CPPED1: variants seen among roughly 807,000 people sequenced by gnomAD.
The protein encoded by CPPED1 is serine/threonine-protein phosphatase CPPED1.
A neutral mutation model predicts 28.0 loss-of-function variants in CPPED1; 28 were observed. The ratio of observed to expected loss-of-function variants is 1.00; its 90% CI spans 0.74 to 1.37. The LOEUF is 1.37. Among genes scored for constraint, CPPED1 ranks in the 40% most tolerant of loss-of-function variants. The pLI is 0.00. For missense variants in CPPED1, 504 were observed against 416.5 expected, an observed-to-expected ratio of 1.21 and a Z score of -1.83; for synonymous variants, 198 against 180.2, an observed-to-expected ratio of 1.10 and a Z score of -0.79.
At chr16:12,678,564 T>C (rs962025166) in intron 3 of CPPED1, among the ~76,000 whole-genome samples, 3 of 152,236 alleles carry the variant, frequency 2.0e-5, no homozygotes, top group East Asian at 3.8e-4. Context: ...TCAGGTCTTT[T>C]AAAATTACTT....
chr16:12,727,484 C>T (rs2080176245), intron 2 of CPPED1, among the ~76,000 whole-genome samples: 1 of 152,102 alleles, frequency 6.6e-6, no homozygotes, highest in African/African-American at 2.4e-5. Flanking sequence ...TCTCGAGTAG[C>T]TGAGACCACA....
intron 3 of CPPED1, among the ~76,000 whole-genome samples, chr16:12,698,163 G>A (rs189295972): frequency 7.2e-4 from 110 of 152,230 alleles, no homozygotes; most frequent in Admixed American, 1.6e-3. Flanking sequence ...AAGTGATACG[G>A]ATATTACCTG....
chr16:12,770,627 A>G lies in CPPED1; in HGVS notation c.289+10558T>C, dbSNP rs139749438. Among the ~76,000 whole-genome samples, 999 of 152,242 alleles carry G rather than the reference A, an allele frequency of 6.6e-3. 9 individuals are homozygous for G. Among genetic ancestry groups the G allele is most frequent in the African/African-American group, 0.022 (923 of 41,550 alleles). On this transcript the variant is annotated intron_variant, in intron 2 of 3. Coordinates refer to ENST00000381774, the MANE Select transcript of CPPED1 (RefSeq NM_018340.3). ...CACCTGAGGTCAGGAGTTTGAGACC[A>G]GCCTGGCCAACATAACAAAACTCTC...
At chr16:12,761,276 C>CAAAAAAAAAAAA (rs55848318) in intron 2 of CPPED1, 2 of 69,284 alleles carry the variant, frequency 2.9e-5, no homozygotes, top group African/African-American at 5.0e-5. Flanking sequence ...GACTCTGTCT[C>CAAAAAAAAAAAA]AAAAAAAAAA....
At chr16:12,676,478 A>T (rs1596441751) in intron 3 of CPPED1, among the ~76,000 whole-genome samples, 1 of 152,324 alleles carries the variant, frequency 6.6e-6, no homozygotes, top group East Asian at 1.9e-4. Context: ...GACCAGGAAG[A>T]TATCATCCCC....
At chr16:12,786,792 G>A (rs1432558051) in intron 1 of CPPED1, among the ~76,000 whole-genome samples, 4 of 152,134 alleles carry the variant, frequency 2.6e-5, no homozygotes, top group East Asian at 1.9e-4. Context: ...GGTGGCATGC[G>A]CCTGTAGTCC....
chr16:12,661,026 G>C lies in CPPED1; in HGVS notation c.*3860C>G, dbSNP rs886920025. 2.0e-5 allele frequency: 3 copies of C among 152,202 alleles called. No homozygotes were observed. Among genetic ancestry groups the C allele is most frequent in the African/African-American group, 7.2e-5 (3 of 41,442 alleles). 9.4% of individuals were successfully genotyped at this position (152,202 alleles called of 1,614,324 possible). On this transcript the variant is annotated 3_prime_UTR_variant, in exon 4 of 4. Coordinates refer to ENST00000381774, the MANE Select transcript of CPPED1 (RefSeq NM_018340.3). Reference sequence around the variant, plus strand: ...CTAATTTGGGAGGCTGAGGTGGGAAGGTTGGTTGAGCCCAAGAGTTCAAGG... The same window carrying C: ...CTAATTTGGGAGGCTGAGGTGGGAACGTTGGTTGAGCCCAAGAGTTCAAGG...
chr16:12,701,457 T>A (rs2080020317), intron 3 of CPPED1, among the ~76,000 whole-genome samples: 2 of 151,994 alleles, frequency 1.3e-5, no homozygotes, highest in Admixed American at 1.3e-4. Flanking sequence ...TCACTTGAAC[T>A]TGGGAGGTGG....
chr16:12,741,815 C>T (rs1460120939), intron 2 of CPPED1, among the ~76,000 whole-genome samples: 3 of 152,178 alleles, frequency 2.0e-5, no homozygotes. Context: ...CTTTGGGAGG[C>T]CGAGGCAGGT....
At chr16:12,704,410 C>T (rs2080036366) in intron 3 of CPPED1, among the ~76,000 whole-genome samples, 1 of 152,196 alleles carries the variant, frequency 6.6e-6, no homozygotes, top group Non-Finnish European at 1.5e-5. Flanking sequence ...AATAAGGCTA[C>T]TATTACTATT....
intron 2 of CPPED1, among the ~76,000 whole-genome samples, chr16:12,712,448 A>C (rs554546430): frequency 6.6e-6 from 1 of 152,364 alleles, no homozygotes; most frequent in African/African-American, 2.4e-5. Context: ...AGTTCCATTT[A>C]TCAGCCTTTA....
At chr16:12,721,435 T>G (rs2141198529) in intron 2 of CPPED1, among the ~76,000 whole-genome samples, 1 of 152,002 alleles carries the variant, frequency 6.6e-6, no homozygotes, top group South Asian at 2.1e-4. Context: ...TTGCTGGAAC[T>G]AGGAGTAGAG....
chr16:12,734,425 G>T (rs936826623), intron 2 of CPPED1, among the ~76,000 whole-genome samples: 5 of 151,818 alleles, frequency 3.3e-5, no homozygotes, highest in Admixed American at 1.3e-4. Flanking sequence ...TGTCGCCCAG[G>T]CTGGAGTGCA....
intron 1 of CPPED1, among the ~76,000 whole-genome samples, chr16:12,803,261 A>T (rs553983244): frequency 2.0e-5 from 3 of 152,244 alleles, no homozygotes; most frequent in Non-Finnish European, 4.4e-5. Flanking sequence ...GGAGTACAGA[A>T]TACATAACGG....
chr16:12,707,328 G>A (rs962908175), intron 2 of CPPED1, among the ~76,000 whole-genome samples: 24 of 152,132 alleles, frequency 1.6e-4, no homozygotes, highest in Non-Finnish European at 3.2e-4. Flanking sequence ...ACTTCCTACA[G>A]GCCAGGCACT....
intron 2 of CPPED1, among the ~76,000 whole-genome samples, chr16:12,761,381 A>C (rs1384433150): frequency 6.6e-6 from 1 of 152,146 alleles, no homozygotes; most frequent in Non-Finnish European, 1.5e-5. Flanking sequence ...ACTACCCATC[A>C]GCTGGGCGGT....
At chr16:12,734,571 G>A (rs541732135) in intron 2 of CPPED1, among the ~76,000 whole-genome samples, 279 of 152,204 alleles carry the variant, frequency 1.8e-3, no homozygotes, top group Admixed American at 5.2e-3. Flanking sequence ...AGTAGAGACG[G>A]GGTTTCACCG....
At chr16:12,789,143 T>C (rs916752083) in intron 1 of CPPED1, among the ~76,000 whole-genome samples, 2 of 152,200 alleles carry the variant, frequency 1.3e-5, no homozygotes, top group African/African-American at 4.8e-5. Flanking sequence ...CAGACCCAAA[T>C]GAAGCATGCT....
At chr16:12,769,725 C>G (rs2080459167) in intron 2 of CPPED1, among the ~76,000 whole-genome samples, 2 of 152,146 alleles carry the variant, frequency 1.3e-5, no homozygotes, top group African/African-American at 2.4e-5. Context: ...TACTGCTCAG[C>G]ATTCGACCCA....
Sources: allele counts gnomAD v4.1 joint callset (sites outside exome capture counted in the v4.1 genomes callset), GRCh38; gene constraint gnomAD v4.1.1; transcripts MANE v1.5; gene names NCBI Gene and HGNC (gene_info 2026-07-23, HGNC 2026-07-21).